LRP4: variants seen among roughly 807,000 people sequenced by gnomAD.
LRP4 encodes the protein low-density lipoprotein receptor-related protein 4.
A neutral mutation model predicts 220.3 loss-of-function variants in LRP4; 95 were observed. The ratio of observed to expected loss-of-function variants is 0.43; its 90% CI spans 0.37 to 0.51. The LOEUF is 0.51. Among genes scored for constraint, LRP4 ranks in the 20% least tolerant of loss-of-function variants. LRP4 has a pLI of 0.00. For synonymous variants in LRP4, 903 were observed against 954.6 expected, an observed-to-expected ratio of 0.95 and a Z score of 1.00; for missense variants, 1,925 against 2,567.0, an observed-to-expected ratio of 0.75 and a Z score of 5.40.
In LRP4 at chr11:46,889,420, A is replaced by G. The variant is rs1330491610; in HGVS notation, c.2206T>C (p.Cys736Arg). 1 of 1,614,100 alleles carries G rather than the reference A, an allele frequency of 6.2e-7. No individual in the cohort carries two copies. Among genetic ancestry groups the G allele is most frequent in the Admixed American group, 1.7e-5 (1 of 60,020 alleles). Residue 736 changes from cysteine to arginine, a missense_variant, in exon 16 of 38, where the codon TGT becomes CGT. Coordinates refer to ENST00000378623, the MANE Select transcript of LRP4 (RefSeq NM_002334.4). ...TGFRKISSHA[C>R]AQSLDKFLLF... The stretch of plus-strand genomic sequence containing the variant: ...TTGCAGACCCACTTACTCTGGGCAC[A>G]GGCGTGGCTGCTGATCTTGCGGAAG...
chr11:46,871,427 G>A (rs962769635), intron 31 of LRP4, 98 bp downstream of exon 31: 31 of 875,630 alleles, frequency 3.5e-5, no homozygotes, highest in East Asian at 1.6e-4. Context: ...GCAATAGCAC[G>A]TCTGTTCAGT....
In LRP4 at chr11:46,899,252, G is replaced by C. The variant is rs1941613230; in HGVS notation, c.547+135C>G. ...GGGAACTTGCTCCCTCCCTAGCTCA[G>C]CCTAGGAGGAGCTGCTGCTGAGGCA... On this transcript the variant is annotated intron_variant, in intron 5 of 37. Coordinates refer to ENST00000378623, the MANE Select transcript of LRP4 (RefSeq NM_002334.4). This position sits in a 1 kb window ranked among gnomAD's most constrained non-coding sequence, Gnocchi z 5.9. The C allele has an allele frequency of 5.4e-6, 5 of 920,122 alleles. No homozygotes were observed. Among genetic ancestry groups the C allele is most frequent in the African/African-American group, 1.6e-5 (1 of 61,956 alleles). 57.0% of individuals were successfully genotyped at this position (920,122 alleles called of 1,614,324 possible).
Position 46,883,912 on chromosome 11 carries a change from G to C in LRP4, c.2571C>G (p.Asn857Lys). Residue 857 changes from asparagine to lysine, a missense_variant, in exon 19 of 38, where the codon AAC becomes AAG. By Grantham distance (94) the Asn-to-Lys change is moderately conservative. Transcript: ENST00000378623. ...CCACGATGTCCCGAGGACGATCAAGGTTCTCCCAGATGAGTACTGTTCTCA... is the reference window on the plus strand; with the variant it reads ...CCACGATGTCCCGAGGACGATCAAGCTTCTCCCAGATGAGTACTGTTCTCA... ...GSMRTVLIWENLDRPRDIVVE... is the reference protein window; with the variant it reads ...GSMRTVLIWEKLDRPRDIVVE... The C allele has an allele frequency of 6.2e-7, 1 of 1,614,220 alleles. No individual in the cohort carries two copies. Among genetic ancestry groups the C allele is most frequent in the Non-Finnish European group, 8.5e-7 (1 of 1,180,050 alleles).
chr11:46,863,584 CAAAAAAAAAA>C (rs55744712), intron 36 of LRP4, among the ~76,000 whole-genome samples: 12 of 54,136 alleles, frequency 2.2e-4, no homozygotes, highest in African/African-American at 5.4e-4. Flanking sequence ...ACTAAAAATA[CAAAAAAAAAA>C]AAAAAAAAAA....
At chr11:46,876,404 C>T in intron 25 of LRP4, 62 bp downstream of exon 25, 1 of 1,601,110 alleles carries the variant, frequency 6.2e-7, no homozygotes, top group Non-Finnish European at 8.6e-7. Context: ...CACCTTTACC[C>T]CGTCATAACC....
chr11:46,869,051 T>C lies in LRP4; in HGVS notation c.4774A>G (p.Thr1592Ala). The C allele has an allele frequency of 3.1e-6, 5 of 1,614,124 alleles. No individual in the cohort carries two copies. Among genetic ancestry groups the C allele is most frequent in the Non-Finnish European group, 4.2e-6 (5 of 1,180,020 alleles). Residue 1592 changes from threonine (T) to alanine (A), a missense_variant, in exon 32 of 38, where the codon ACA (threonine) becomes GCA (alanine). By Grantham distance (58) the Thr-to-Ala change is moderately conservative. Around this residue, in one of 3 missense-constraint regions of LRP4, gnomAD observed 1,244 missense variants for 1,624.9 expected, o/e 0.77. Coordinates refer to ENST00000378623, the MANE Select transcript of LRP4 (RefSeq NM_002334.4). ...AGTCCTTCCACATTTGCCAGCACTG[T>C]CTCCTTGTTCCGGCCTGAGTATTTG... is the stretch of plus-strand genomic sequence containing the variant. ...VDKYSGRNKE[T>A]VLANVEGLMD...
rs756941634 is a variant in LRP4, at chr11:46,881,781, T to A, written c.2735A>T (p.Tyr912Phe). Residue 912 changes from tyrosine (Y) to phenylalanine (F), a missense_variant, in exon 20 of 38, where the codon TAT becomes TTT. By Grantham distance (22) the Tyr-to-Phe change is conservative. Coordinates refer to ENST00000378623, the MANE Select transcript of LRP4 (RefSeq NM_002334.4). ...LTWPNGLAIDYGSQRLYWADA... is the reference protein window; with the variant it reads ...LTWPNGLAIDFGSQRLYWADA... ...AGCCCAGTATAGACGCTGGGACCCA[T>A]AATCAATAGCTAACCCATTAGGCCA... is the stretch of plus-strand genomic sequence containing the variant. 1 of 1,613,958 alleles carries A rather than the reference T, an allele frequency of 6.2e-7. No homozygotes were observed. The highest frequency in any genetic ancestry group is 1.7e-5 in the Admixed American group (1 of 60,030).
intron 20 of LRP4, among the ~76,000 whole-genome samples, chr11:46,880,289 G>C (rs1941121302): frequency 8.7e-6 from 1 of 115,414 alleles, no homozygotes; most frequent in Non-Finnish European, 1.7e-5. Context: ...AACACACCAA[G>C]ACTGCAGTCT....
chr11:46,876,801 G>A lies in LRP4; in HGVS notation c.3307C>T (p.His1103Tyr). 1 of 1,614,070 alleles carries A rather than the reference G, an allele frequency of 6.2e-7. No homozygotes were observed. Among genetic ancestry groups the A allele is most frequent in the Non-Finnish European group, 8.5e-7 (1 of 1,180,018 alleles). ...GKVYWSDSTL[H>Y]RISRANLDGS... ...TCCAGATTGGCACGACTGATCCTGTGCAGTGTGCTGTCAGACCAGTACACC... is the reference window on the plus strand; with the variant it reads ...TCCAGATTGGCACGACTGATCCTGTACAGTGTGCTGTCAGACCAGTACACC... Residue 1103 changes from histidine to tyrosine, a missense_variant, in exon 24 of 38, where the codon CAC (histidine) becomes TAC (tyrosine). Physicochemically the swap from His to Tyr is moderately conservative, Grantham distance 83. This residue lies in a region of LRP4 where 1,244 missense variants were observed against 1,624.9 expected (regional missense o/e 0.77). Transcript: ENST00000378623.
rs369383387 is a variant in LRP4 at position 46,858,935 on chromosome 11, G to A, written c.*48C>T. The A allele has an allele frequency of 2.4e-5, 38 of 1,563,538 alleles. No individual in the cohort carries two copies. Among genetic ancestry groups the A allele is most frequent in the African/African-American group, 6.8e-5 (5 of 73,854 alleles). ...GTGTAAGCGAGCACAAGGACTAGAC[G>A]TCCATAAAGGAGAAGGAACAGGCAG... On this transcript the variant is annotated 3_prime_UTR_variant, in exon 38 of 38. Transcript: ENST00000378623.
intron 12 of LRP4, among the ~76,000 whole-genome samples, chr11:46,893,549 C>T (rs1941465683): frequency 6.6e-6 from 1 of 152,220 alleles, no homozygotes; most frequent in African/African-American, 2.4e-5. Flanking sequence ...TTGACCACTT[C>T]ACCTATTTGT....
intron 34 of LRP4, 53 bp from the exon 35 acceptor site, chr11:46,865,239 A>G: frequency 7.5e-7 from 1 of 1,327,020 alleles, no homozygotes; most frequent in African/African-American, 1.5e-5. Flanking sequence ...AGTGAAGGTC[A>G]TGCCTTCCTC....
At position 46,886,149 on chromosome 11, in the gene LRP4, C is replaced by A. The variant is rs1390984356; in HGVS notation, c.2448G>T (p.Glu816Asp). Residue 816 changes from glutamate (E) to aspartate (D), a missense_variant, in exon 18 of 38, where the codon GAG becomes GAT. Glu to Asp is a conservative substitution (Grantham distance 45). Around this residue, in one of 3 missense-constraint regions of LRP4, gnomAD observed 1,244 missense variants for 1,624.9 expected, o/e 0.77. Coordinates refer to ENST00000378623, the MANE Select transcript of LRP4 (RefSeq NM_002334.4). ...AATCAATGGCCAGGCCAGCTGGGCT[C>A]TCCAAACTGGTATCCACTACCACCT... ...GQEVVVDTSL[E>D]SPAGLAIDWV... 6.2e-7 allele frequency: 1 copy of A among 1,614,126 alleles called. No homozygotes were observed. The highest frequency in any genetic ancestry group is 2.2e-5 in the East Asian group (1 of 44,888).
At position 46,865,532 on chromosome 11, in the gene LRP4, C is replaced by T. The variant is rs894399435; in HGVS notation, c.5088-346G>A. 9.2e-5 allele frequency among the ~76,000 whole-genome samples: 14 copies of T among 152,168 alleles called. No individual in the cohort carries two copies. In the East Asian group the frequency reaches 2.7e-3, roughly 29 times the overall value. ...AGGATGAGTCAGAAGCAGCTGCTAGCCAAGCCAATCTGATTGGATAAAAAT... is the reference window on the plus strand; with the variant it reads ...AGGATGAGTCAGAAGCAGCTGCTAGTCAAGCCAATCTGATTGGATAAAAAT... On this transcript the variant is annotated intron_variant, in intron 34 of 37. Coordinates refer to ENST00000378623, the MANE Select transcript of LRP4 (RefSeq NM_002334.4).
chr11:46,902,727 C>T, intron 2 of LRP4, 56 bp downstream of exon 2: 1 of 1,605,040 alleles, frequency 6.2e-7, no homozygotes, highest in Middle Eastern at 1.8e-4. Flanking sequence ...TTGTCCTTGC[C>T]CCCCACCCCC....
At chr11:46,910,592 A>G (rs1320452520) in intron 1 of LRP4, among the ~76,000 whole-genome samples, 1 of 152,112 alleles carries the variant, frequency 6.6e-6, no homozygotes, top group African/African-American at 2.4e-5. Context: ...CCATGGGTTA[A>G]GTTGGTGGCA....
At chr11:46,870,614 T>C (rs987336306) in intron 31 of LRP4, among the ~76,000 whole-genome samples, 1 of 152,114 alleles carries the variant, frequency 6.6e-6, no homozygotes, top group African/African-American at 2.4e-5. Context: ...TTTATAGAGA[T>C]AGGGTCTCGC....
chr11:46,886,211 C>T (rs769494670), intron 17 of LRP4, 39 bp from the exon 18 acceptor site: 1 of 1,601,288 alleles, frequency 6.2e-7, no homozygotes, highest in Non-Finnish European at 8.6e-7. Context: ...ACTGTACTTC[C>T]ACTCTAGTTC....
chr11:46,866,676 T>C lies in LRP4; in HGVS notation c.5087+1303A>G, dbSNP rs148801135. Among the ~76,000 whole-genome samples, 423 of 152,288 alleles carry C rather than the reference T, an allele frequency of 2.8e-3. 2 individuals are homozygous for C. The highest frequency in any genetic ancestry group is 9.6e-3 in the African/African-American group (401 of 41,566). ...TCTCACATCTGTAATGCCAGCACTT[T>C]GGGATGCCTAGGCGGGTGGATCACT... On this transcript the variant is annotated intron_variant, in intron 34 of 37. Coordinates refer to ENST00000378623, the MANE Select transcript of LRP4 (RefSeq NM_002334.4).
Sources: allele counts gnomAD v4.1 joint callset (sites outside exome capture counted in the v4.1 genomes callset), GRCh38; gene constraint gnomAD v4.1.1; regional missense constraint gnomAD v4.1.1; non-coding constraint Gnocchi (gnomAD v3.1); transcripts MANE v1.5; gene names NCBI Gene and HGNC (gene_info 2026-07-23, HGNC 2026-07-21).